The following RBM26 variants were observed in gnomAD, a reference collection of about 807,000 sequenced individuals.
RBM26 encodes the protein RNA-binding protein 26.
A neutral mutation model predicts 123.6 loss-of-function variants in RBM26; 30 were observed. The ratio of observed to expected loss-of-function variants is 0.24; its 90% CI spans 0.18 to 0.33. RBM26 has a LOEUF of 0.33. Ranked by LOEUF, RBM26 falls within the 10% of genes least tolerant of loss-of-function variation. The pLI is 1.00. For synonymous variants in RBM26, 400 were observed against 404.4 expected, an observed-to-expected ratio of 0.99 and a Z score of 0.13; for missense variants, 947 against 1,203.6, an observed-to-expected ratio of 0.79 and a Z score of 3.15.
chr13:79,354,690 C>T, intron 12 of RBM26, 120 bp from the exon 13 acceptor site: 2 of 795,660 alleles, frequency 2.5e-6, no homozygotes, highest in Non-Finnish European at 3.6e-6. Flanking sequence ...AGCTTATAGT[C>T]AAAACCTAAC....
chr13:79,343,668 T>C (rs1033121287), intron 16 of RBM26, among the ~76,000 whole-genome samples: 1 of 151,940 alleles, frequency 6.6e-6, no homozygotes, highest in Non-Finnish European at 1.5e-5. Context: ...AGCAGTCACA[T>C]TAAAAACATA....
intron 20 of RBM26, among the ~76,000 whole-genome samples, chr13:79,327,114 G>A (rs754312629): frequency 3.4e-4 from 51 of 151,890 alleles, no homozygotes; most frequent in Non-Finnish European, 6.8e-4. Flanking sequence ...TGGACAACAT[G>A]GTGAGACCCC....
At chr13:79,394,094 T>A (rs190748074) in intron 1 of RBM26, among the ~76,000 whole-genome samples, 77 of 152,258 alleles carry the variant, frequency 5.1e-4, no homozygotes, top group African/African-American at 1.8e-3. Context: ...AGATATCCCC[T>A]GAGATTTGTA....
At chr13:79,348,149 T>C (rs1367893645) in intron 14 of RBM26, among the ~76,000 whole-genome samples, 1 of 152,136 alleles carries the variant, frequency 6.6e-6, no homozygotes, top group East Asian at 1.9e-4. Context: ...CATGTATCAC[T>C]GGACATTTGC....
intron 9 of RBM26, 89 bp from the exon 10 acceptor site, chr13:79,359,775 C>A: frequency 2.3e-6 from 1 of 438,298 alleles, no homozygotes; most frequent in Non-Finnish European, 3.8e-6. Context: ...AGGAAAATTT[C>A]TGGCTTTTGT....
At chr13:79,351,731 A>G (rs1236328686) in intron 14 of RBM26, among the ~76,000 whole-genome samples, 1 of 152,200 alleles carries the variant, frequency 6.6e-6, no homozygotes, top group Non-Finnish European at 1.5e-5. Context: ...GAGCAGAAGT[A>G]ATAGAACCAG....
chr13:79,362,936 G>A (rs2074872216), intron 9 of RBM26, among the ~76,000 whole-genome samples: 2 of 152,214 alleles, frequency 1.3e-5, no homozygotes, highest in Admixed American at 1.3e-4. Context: ...TTTATGTAAT[G>A]TATTTTTCCC....
chr13:79,369,176 T>C (rs2075632904), intron 5 of RBM26, among the ~76,000 whole-genome samples, 186 bp from the exon 6 acceptor site: 1 of 152,188 alleles, frequency 6.6e-6, no homozygotes, highest in Non-Finnish European at 1.5e-5. Context: ...TTCTTTTTAA[T>C]ATAACCCAAA....
At chr13:79,367,406 CAAAAAAAAAAAA>C (rs776345304) in intron 6 of RBM26, among the ~76,000 whole-genome samples, 10,712 of 39,696 alleles carry the variant, frequency 0.27, 961 homozygotes, top group Middle Eastern at 0.46. Context: ...GACTCCATCT[CAAAAAAAAAAAA>C]AAAAAAAAAA....
chr13:79,372,882 T>C (rs1212080083), intron 3 of RBM26, among the ~76,000 whole-genome samples: 1 of 94,222 alleles, frequency 1.1e-5, no homozygotes, highest in South Asian at 2.8e-4. Flanking sequence ...TAATATTTTA[T>C]ATGCTATATA....
At chr13:79,375,714 T>C (rs1331576581) in intron 3 of RBM26, among the ~76,000 whole-genome samples, 1 of 152,258 alleles carries the variant, frequency 6.6e-6, no homozygotes, top group African/African-American at 2.4e-5. Context: ...GGTATGTGTA[T>C]ATGAAAATAT....
At chr13:79,316,395 G>T (rs2067158420), downstream of RBM26, among the ~76,000 whole-genome samples, 2 of 71,026 alleles carry the variant, frequency 2.8e-5, no homozygotes, top group South Asian at 1.3e-3. Flanking sequence ...AGCAACTGTT[G>T]CTTCCTTTTT....
intron 12 of RBM26, 42 bp from the exon 13 acceptor site, chr13:79,354,612 A>G (rs760657719): frequency 1.3e-6 from 2 of 1,512,834 alleles, no homozygotes; most frequent in Non-Finnish European, 1.8e-6. Flanking sequence ...GATTCATTCA[A>G]AAGGATGGAA....
rs143773910 is a variant in RBM26 at position 79,358,354 on chromosome 13, T to C, written c.1609A>G (p.Arg537Gly). The change falls in exon 11 of 22, where the codon AGA becomes GGA. Residue 537 changes from arginine to glycine, a missense_variant. By Grantham distance (125) the Arg-to-Gly change is moderately radical. This residue lies in a region of RBM26 where 493 missense variants were observed against 563.1 expected (regional missense o/e 0.88). Coordinates refer to ENST00000438737, the MANE Select transcript of RBM26 (RefSeq NM_001366735.2). ...TTATTTAATTCTGGAGGAACTTTTC[T>C]AAGTTCAAGCTTGGTATTTTCATTT... ...FGNENTKLEL[R>G]KVPPELNNIS... 1 of 1,611,968 alleles carries C rather than the reference T, an allele frequency of 6.2e-7. No individual in the cohort carries two copies. The highest frequency in any genetic ancestry group is 8.5e-7 in the Non-Finnish European group (1 of 1,178,810).
At chr13:79,325,422 C>T (rs1285558469) in intron 20 of RBM26, among the ~76,000 whole-genome samples, 3 of 151,950 alleles carry the variant, frequency 2.0e-5, no homozygotes, top group East Asian at 1.9e-4. Context: ...AGGTAGAAAA[C>T]GGTGATACTG....
downstream of RBM26, among the ~76,000 whole-genome samples, chr13:79,316,322 A>C (rs1218521058): frequency 1.3e-5 from 2 of 151,504 alleles, no homozygotes; most frequent in African/African-American, 4.8e-5. Context: ...GGGAAAAGAA[A>C]ACATATTGAT....
intron 1 of RBM26, among the ~76,000 whole-genome samples, chr13:79,381,812 C>T (rs2077092395): frequency 6.6e-6 from 1 of 152,008 alleles, no homozygotes; most frequent in African/African-American, 2.4e-5. Flanking sequence ...GAATAAAAAA[C>T]GATTAGCCAC....
intron 1 of RBM26, among the ~76,000 whole-genome samples, chr13:79,383,863 G>C (rs1290942090): frequency 6.6e-6 from 1 of 152,220 alleles, no homozygotes; most frequent in African/African-American, 2.4e-5. Flanking sequence ...GAAGGACTCT[G>C]TTGAAGGGAC....
At position 79,367,406 on chromosome 13, in the gene RBM26, C is replaced by CAAAAAAAAAAAAAAAAAAAAAAAAA. The variant is rs776345304; in HGVS notation, c.896-559_896-535dup. ...TGGGGTATAGGGGGAGACTCCATCT[C>CAAAAAAAAAAAAAAAAAAAAAAAAA]AAAAAAAAAAAAAAAAAAAAAAAAA... is the stretch of plus-strand genomic sequence containing the variant. On this transcript the variant is annotated intron_variant, in intron 6 of 21. Transcript: ENST00000438737. Among the ~76,000 whole-genome samples, 53 of 39,644 alleles carry CAAAAAAAAAAAAAAAAAAAAAAAAA rather than the reference C, an allele frequency of 1.3e-3. 1 individual carries two copies. The highest frequency in any genetic ancestry group is 2.7e-3 in the Non-Finnish European group (42 of 15,646). The allele number at this position is 39,644 out of a possible 152,430, so 26.0% of individuals were successfully genotyped here. A position where few individuals can be genotyped will look rare whatever the true frequency, so the allele number is the denominator to read the frequency against.
Sources: gnomAD v4.1 joint callset for allele counts (sites outside exome capture counted in the v4.1 genomes callset) on GRCh38, gnomAD v4.1.1 for gene constraint, gnomAD v4.1.1 regional missense constraint, MANE v1.5 for transcripts, NCBI Gene and HGNC (gene_info 2026-07-23, HGNC 2026-07-21) for gene names.